The following FKBP5 variants were observed in gnomAD, a reference collection of about 807,000 sequenced individuals.
FKBP5 encodes the protein peptidyl-prolyl cis-trans isomerase FKBP5.
Under a neutral mutation model 50.5 loss-of-function variants are expected in FKBP5, and 23 were observed. The ratio of observed to expected loss-of-function variants is 0.46; its 90% CI spans 0.33 to 0.65. FKBP5 has a LOEUF of 0.65. Ranked by LOEUF, FKBP5 falls within the 30% of genes least tolerant of loss-of-function variation. FKBP5 has a pLI of 0.02. For synonymous variants in FKBP5, 176 were observed against 190.6 expected (o/e 0.92, Z 0.63); for missense variants, 411 against 553.1 (o/e 0.74, Z 2.58).
chr6:35,629,087 C>G (rs1450541605), intron 3 of FKBP5, among the ~76,000 whole-genome samples: 2 of 151,878 alleles, frequency 1.3e-5, no homozygotes, highest in African/African-American at 4.8e-5. Context: ...AGTAACTAAT[C>G]ATGAATTAAA....
chr6:35,655,379 T>C (rs1764919419), intron 1 of FKBP5, among the ~76,000 whole-genome samples: 3 of 152,126 alleles, frequency 2.0e-5, no homozygotes. Context: ...GCCCCTATTA[T>C]TTGTCTAGGT....
chr6:35,694,683 G>C (rs1268396993), intron 2 of FKBP5, among the ~76,000 whole-genome samples: 2 of 152,020 alleles, frequency 1.3e-5, no homozygotes, highest in African/African-American at 4.8e-5. Flanking sequence ...TACAGTCTAT[G>C]GAAGCATTTT....
chr6:35,581,805 T>C (rs1282511873), intron 8 of FKBP5: 9 of 985,316 alleles, frequency 9.1e-6, no homozygotes, highest in Non-Finnish European at 1.1e-5. Flanking sequence ...CCAGACCTAT[T>C]AGGACATTAA....
chr6:35,723,196 G>A (rs1285990780), intron 1 of FKBP5, among the ~76,000 whole-genome samples: 1 of 152,020 alleles, frequency 6.6e-6, no homozygotes, highest in Non-Finnish European at 1.5e-5. Flanking sequence ...TCACACCACT[G>A]CACTCCAGCC....
At chr6:35,589,471 T>C (rs1351787443) in intron 7 of FKBP5, among the ~76,000 whole-genome samples, 1 of 152,066 alleles carries the variant, frequency 6.6e-6, no homozygotes, top group Middle Eastern at 3.2e-3. Flanking sequence ...TAAATCACAT[T>C]GCCCCAAACA....
At chr6:35,678,223 A>T (rs1765575000) in intron 1 of FKBP5, among the ~76,000 whole-genome samples, 2 of 152,134 alleles carry the variant, frequency 1.3e-5, no homozygotes, top group African/African-American at 4.8e-5. Context: ...AGTCAGGAAG[A>T]GAAGTGTTTT....
chr6:35,580,697 G>A (rs1762401693), intron 8 of FKBP5: 1 of 236,116 alleles, frequency 4.2e-6, no homozygotes, highest in African/African-American at 2.3e-5. Flanking sequence ...CCGCCACCAA[G>A]CCCAGCTATT....
intron 9 of FKBP5, among the ~76,000 whole-genome samples, chr6:35,579,756 A>G (rs1180689874): frequency 3.9e-5 from 6 of 152,222 alleles, no homozygotes; most frequent in African/African-American, 7.2e-5. Context: ...TACTACAGTT[A>G]TAAGGAAGGT....
intron 2 of FKBP5, among the ~76,000 whole-genome samples, chr6:35,712,776 G>A (rs1033510690): frequency 1.3e-5 from 2 of 152,208 alleles, no homozygotes; most frequent in African/African-American, 2.4e-5. Context: ...TGTCTTCTGA[G>A]ACTCACTTCT....
intron 1 of FKBP5, among the ~76,000 whole-genome samples, chr6:35,723,123 C>T (rs1766644173): frequency 6.6e-6 from 1 of 152,072 alleles, no homozygotes; most frequent in African/African-American, 2.4e-5. Context: ...ATCCCAGCTA[C>T]TTGGGAGGCT....
intron 8 of FKBP5, chr6:35,586,807 G>A: frequency 7.1e-7 from 1 of 1,411,050 alleles, no homozygotes; most frequent in Non-Finnish European, 9.2e-7. Flanking sequence ...TGTATGGAAG[G>A]TTACAATCTA....
intron 3 of FKBP5, among the ~76,000 whole-genome samples, chr6:35,632,505 A>G (rs533150129): frequency 1.3e-5 from 2 of 152,100 alleles, no homozygotes; most frequent in Admixed American, 6.5e-5. Context: ...CCTCAACATA[A>G]TAATATATAC....
chr6:35,674,657 T>C (rs1198930165), intron 1 of FKBP5, among the ~76,000 whole-genome samples: 1 of 152,252 alleles, frequency 6.6e-6, no homozygotes, highest in African/African-American at 2.4e-5. Context: ...GTGTTTTACA[T>C]GTATTAACTC....
At position 35,642,734 on chromosome 6, in the gene FKBP5, T is replaced by C. The variant is rs1413165229; in HGVS notation, c.91A>G (p.Arg31Gly). The C allele has an allele frequency of 6.2e-7, 1 of 1,613,846 alleles. No homozygotes were observed. The highest frequency in any genetic ancestry group is 1.3e-5 in the African/African-American group (1 of 75,032). The change falls in exon 2 of 11, where the codon AGG becomes GGG. Residue 31 changes from arginine (R) to glycine (G), a missense_variant. Around this residue, in one of 3 missense-constraint regions of FKBP5, gnomAD observed 56 missense variants for 58.2 expected, o/e 0.96. Coordinates refer to ENST00000357266, the MANE Select transcript of FKBP5 (RefSeq NM_004117.4). ...TGTGGCCTCACCTTTAATACTCCCC[T>C]GTCTTTTTTGGAGGTAATATCCTCT... ...QGEDITSKKD[R>G]GVLKIVKRVG...
At chr6:35,616,515 T>C (rs765483349) in intron 5 of FKBP5, among the ~76,000 whole-genome samples, 2 of 152,044 alleles carry the variant, frequency 1.3e-5, no homozygotes, top group Non-Finnish European at 2.9e-5. Flanking sequence ...TAGAGGAAGC[T>C]GTGTAAAGCA....
chr6:35,597,491 TA>T, intron 5 of FKBP5, 87 bp from the exon 6 acceptor site: 1 of 1,415,742 alleles, frequency 7.1e-7, no homozygotes, highest in Non-Finnish European at 9.5e-7. Context: ...GTCGACAATG[TA>T]GCAAATACCA....
intron 2 of FKBP5, among the ~76,000 whole-genome samples, chr6:35,705,750 A>G (rs1766296641): frequency 6.6e-6 from 1 of 152,144 alleles, no homozygotes; most frequent in South Asian, 2.1e-4. Flanking sequence ...CTCATTTCTT[A>G]CAACAAAAAT....
chr6:35,679,846 T>C (rs2151009555), intron 1 of FKBP5, among the ~76,000 whole-genome samples: 1 of 152,122 alleles, frequency 6.6e-6, no homozygotes, highest in East Asian at 1.9e-4. Flanking sequence ...TGCACTAAAA[T>C]CTCAGAATTC....
intron 1 of FKBP5, among the ~76,000 whole-genome samples, chr6:35,670,667 G>A (rs1375709408): frequency 1.3e-5 from 2 of 151,700 alleles, no homozygotes; most frequent in African/African-American, 2.4e-5. Flanking sequence ...GGGAGGCGGA[G>A]GTTGCAGTGA....
Sources: gnomAD v4.1 joint callset for allele counts (sites outside exome capture counted in the v4.1 genomes callset) on GRCh38, gnomAD v4.1.1 for gene constraint, gnomAD v4.1.1 regional missense constraint, MANE v1.5 for transcripts, NCBI Gene and HGNC (gene_info 2026-07-23, HGNC 2026-07-21) for gene names.